MCF2L: variants seen among roughly 807,000 people sequenced by gnomAD.
MCF2L encodes the protein guanine nucleotide exchange factor DBS.
MCF2L carries 97 observed loss-of-function variants against 153.4 expected under a neutral mutation model. The ratio of observed to expected loss-of-function variants is 0.63; its 90% CI spans 0.54 to 0.75. MCF2L has a LOEUF of 0.75. Among genes scored for constraint, MCF2L ranks in the 30% least tolerant of loss-of-function variants. The pLI, the probability that MCF2L is intolerant of heterozygous loss-of-function variation, is 0.00. For missense variants in MCF2L, 1,347 were observed against 1,495.2 expected, an observed-to-expected ratio of 0.90 and a Z score of 1.64; for synonymous variants, 659 against 632.2, an observed-to-expected ratio of 1.04 and a Z score of -0.64.
chr13:112,922,407 G>A (rs1466120695), intron 2 of MCF2L, among the ~76,000 whole-genome samples: 1 of 152,104 alleles, frequency 6.6e-6, no homozygotes, highest in Non-Finnish European at 1.5e-5. Flanking sequence ...GTCACTTTAT[G>A]TAGTGATTTC....
intron 2 of MCF2L, among the ~76,000 whole-genome samples, chr13:112,964,190 C>A (rs1172449074): frequency 6.6e-6 from 1 of 152,228 alleles, no homozygotes; most frequent in Non-Finnish European, 1.5e-5. Context: ...CTTGAGGTTC[C>A]CTTGAGGCAG....
chr13:112,971,812 A>G (rs1334154534), intron 1 of MCF2L, among the ~76,000 whole-genome samples: 6 of 152,094 alleles, frequency 3.9e-5, no homozygotes, highest in African/African-American at 1.4e-4. Flanking sequence ...CTTCTATGTG[A>G]TAGGGCTCAT....
intron 4 of MCF2L, among the ~76,000 whole-genome samples, chr13:113,048,931 T>C (rs1594826022): frequency 6.6e-6 from 1 of 151,478 alleles, no homozygotes; most frequent in African/African-American, 2.4e-5. Flanking sequence ...GCCAGGAGGG[T>C]GGCTGAGCCA....
Position 113,076,140 on chromosome 13 carries a change from C to T in MCF2L, c.1483C>T (p.Leu495Phe), listed in dbSNP as rs2033450825. The change falls in exon 12 of 30, where the codon CTC becomes TTC. Residue 495 changes from leucine (L) to phenylalanine (F), a missense_variant. By Grantham distance (22) the Leu-to-Phe change is conservative. Coordinates refer to ENST00000535094, the MANE Select transcript of MCF2L (RefSeq NM_001112732.3). ...NAIYKEYESI[L>F]NQDLMEHVRK... ...GATTTACAAGGAATACGAATCCATC[C>T]TCAACCAAGATCTCATGGTAACGCT... The T allele has an allele frequency of 5.0e-6, 8 of 1,613,106 alleles. No homozygotes were observed. Among genetic ancestry groups the T allele is most frequent in the Non-Finnish European group, 6.8e-6 (8 of 1,179,538 alleles).
At chr13:112,925,216 G>A (rs535175586) in intron 2 of MCF2L, among the ~76,000 whole-genome samples, 79 of 152,342 alleles carry the variant, frequency 5.2e-4, no homozygotes, top group African/African-American at 1.8e-3. Context: ...TCGTCCACCA[G>A]AGTGGCTAAA....
rs2087482029 is a variant in MCF2L at position 113,053,162 on chromosome 13, C to T, written c.370-7431C>T. Among the ~76,000 whole-genome samples, 5 of 152,210 alleles carry T rather than the reference C, an allele frequency of 3.3e-5. No homozygotes were observed. Among genetic ancestry groups the T allele is most frequent in the Admixed American group, 3.3e-4 (5 of 15,278 alleles). On this transcript the variant is annotated intron_variant, in intron 4 of 29. Transcript: ENST00000535094. The surrounding 1 kb of genome is among the most constrained non-coding windows in gnomAD (Gnocchi z 4.4). ...AACCACAGGCGAGTCTGCATCGCGG[C>T]CACACTGCCCTCTGGATGCCCACAC...
In MCF2L at chr13:113,088,506, C is replaced by T; in HGVS notation, c.2768-56C>T. 12 of 1,608,010 alleles carry T rather than the reference C, an allele frequency of 7.5e-6. 1 individual carries two copies. The highest frequency in any genetic ancestry group is 3.3e-4 in the Middle Eastern group (2 of 6,056). Reference sequence around the variant, plus strand: ...CACAGTCCCCCCATGCGCAAGGTGCCTCGGCGTTGAAGTAAAGACGCTCGT... The same window carrying T: ...CACAGTCCCCCCATGCGCAAGGTGCTTCGGCGTTGAAGTAAAGACGCTCGT... On this transcript the variant is annotated intron_variant, in intron 24 of 29. Transcript: ENST00000535094.
chr13:113,031,186 A>T lies in MCF2L; in HGVS notation c.278+6428A>T, dbSNP rs2085690461. Among the ~76,000 whole-genome samples, 1 of 149,724 alleles carries T rather than the reference A, an allele frequency of 6.7e-6. No individual in the cohort carries two copies. Among genetic ancestry groups the T allele is most frequent in the African/African-American group, 2.5e-5 (1 of 39,596 alleles). On this transcript the variant is annotated intron_variant, in intron 3 of 29. Transcript: ENST00000535094. This position sits in a 1 kb window ranked among gnomAD's most constrained non-coding sequence, Gnocchi z 5.5. ...AAGAGACAGAGAGTGACAGACAGAG[A>T]CAGAGAGACAGAGACAGACAGAGAC... is the stretch of plus-strand genomic sequence containing the variant.
chr13:112,994,754 G>A (rs1298381872), intron 1 of MCF2L, among the ~76,000 whole-genome samples: 2 of 152,010 alleles, frequency 1.3e-5, no homozygotes, highest in African/African-American at 4.8e-5. Context: ...GCTGCGGGCA[G>A]GACATATGGG....
At position 112,907,316 on chromosome 13, in the gene MCF2L, A is replaced by C. The variant is rs975457620; in HGVS notation, c.169+4945A>C. ...TGAAAATGTACTTTGGGGAAGGGGA[A>C]AATGACCACAAGAAACAGATACTTG... On this transcript the variant is annotated intron_variant, in intron 2 of 29. Coordinates refer to the MCF2L transcript ENST00000375608. The surrounding 1 kb of genome is among the most constrained non-coding windows in gnomAD (Gnocchi z 5.1). 1.3e-5 allele frequency among the ~76,000 whole-genome samples: 2 copies of C among 152,202 alleles called. No homozygotes were observed. The highest frequency in any genetic ancestry group is 1.3e-4 in the Admixed American group (2 of 15,276).
chr13:112,975,464 C>T (rs1399639462), intron 1 of MCF2L, among the ~76,000 whole-genome samples: 1 of 152,200 alleles, frequency 6.6e-6, no homozygotes, highest in African/African-American at 2.4e-5. Flanking sequence ...CAGGAGAGCA[C>T]CTACCTGCTA....
At chr13:113,011,108 C>T (rs1213061458) in intron 1 of MCF2L, among the ~76,000 whole-genome samples, 1 of 152,178 alleles carries the variant, frequency 6.6e-6, no homozygotes, top group Non-Finnish European at 1.5e-5. Context: ...CCCAGGGCCC[C>T]GCCTGCAGAA....
At chr13:113,058,277 G>T (rs1180267309) in intron 4 of MCF2L, among the ~76,000 whole-genome samples, 1 of 151,092 alleles carries the variant, frequency 6.6e-6, no homozygotes, top group Admixed American at 6.6e-5. Flanking sequence ...TTGAGTGGGT[G>T]CTGAGTGTTT....
chr13:112,903,990 G>GT (rs2081145763), intron 2 of MCF2L, among the ~76,000 whole-genome samples: 1 of 152,130 alleles, frequency 6.6e-6, no homozygotes, highest in African/African-American at 2.4e-5. Flanking sequence ...CTCTGCAACT[G>GT]GAAGGTTGCT....
intron 1 of MCF2L, among the ~76,000 whole-genome samples, chr13:113,005,761 G>A (rs1265467427): frequency 7.9e-5 from 12 of 152,312 alleles, no homozygotes. Flanking sequence ...GCAGCTGTGG[G>A]AGGTGACAGT....
intron 1 of MCF2L, among the ~76,000 whole-genome samples, chr13:112,998,262 T>TA (rs1594560763): frequency 6.6e-6 from 1 of 152,202 alleles, no homozygotes; most frequent in East Asian, 1.9e-4. Flanking sequence ...AGGCAGAACT[T>TA]AAACGTGTGA....
At chr13:113,089,898 C>A in intron 26 of MCF2L, 170 bp downstream of exon 26, 1 of 1,606,092 alleles carries the variant, frequency 6.2e-7, no homozygotes, top group Non-Finnish European at 8.5e-7. Context: ...CACAGAAGAG[C>A]CCCTCCCTCT....
chr13:113,063,359 C>T (rs1273117804), intron 5 of MCF2L, among the ~76,000 whole-genome samples: 10 of 151,314 alleles, frequency 6.6e-5, no homozygotes, highest in East Asian at 1.9e-4. Context: ...CCTGCACAGC[C>T]GCCCACAGCG....
At position 112,993,605 on chromosome 13, in the gene MCF2L, C is replaced by T. The variant is rs562093582; in HGVS notation, c.80-21158C>T. On this transcript the variant is annotated intron_variant, in intron 1 of 29. Coordinates refer to ENST00000535094, the MANE Select transcript of MCF2L (RefSeq NM_001112732.3). The surrounding 1 kb of genome is among the most constrained non-coding windows in gnomAD (Gnocchi z 4.6). ...GAGAGAGGTTTCAGGGCAGGAGGGA[C>T]GGGGCTTAGGGATGTTTCTTGGAGA... Among the ~76,000 whole-genome samples, 32 of 151,942 alleles carry T rather than the reference C, an allele frequency of 2.1e-4. No individual in the cohort carries two copies. The highest frequency in any genetic ancestry group is 7.9e-4 in the Admixed American group (12 of 15,266).
Sources: gnomAD v4.1 joint callset for allele counts (sites outside exome capture counted in the v4.1 genomes callset) on GRCh38, gnomAD v4.1.1 for gene constraint, Gnocchi (gnomAD v3.1) non-coding constraint, MANE v1.5 for transcripts, NCBI Gene and HGNC (gene_info 2026-07-23, HGNC 2026-07-21) for gene names.